Variants in RANBP17 observed in about 807,000 individuals in gnomAD.
RANBP17 encodes the protein RAN binding protein 17.
RANBP17 carries 158 observed loss-of-function variants against 141.2 expected under a neutral mutation model. The observed-to-expected ratio is 1.12, with a 90% CI of 0.98 to 1.28. RANBP17 has a LOEUF of 1.28. Ranked by LOEUF, RANBP17 falls within the 50% of genes most tolerant of loss-of-function variation. The pLI is 0.00. For synonymous variants in RANBP17, 430 were observed against 450.0 expected (o/e 0.96, Z 0.56); for missense variants, 1,438 against 1,290.7 (o/e 1.11, Z -1.75).
At chr5:171,145,025 T>C (rs1485897334) in intron 14 of RANBP17, among the ~76,000 whole-genome samples, 2 of 152,220 alleles carry the variant, frequency 1.3e-5, no homozygotes, top group Non-Finnish European at 2.9e-5. Flanking sequence ...TGTTAAATTA[T>C]TTGTGTGATG....
chr5:171,296,053 A>T (rs913506816), intron 27 of RANBP17, 39 bp downstream of exon 27: 1 of 1,596,384 alleles, frequency 6.3e-7, no homozygotes, highest in Non-Finnish European at 8.6e-7. Context: ...GGGGAAGTAG[A>T]CATTCCAGGT....
At chr5:170,898,054 C>T (rs1214703315) in intron 5 of RANBP17, among the ~76,000 whole-genome samples, 2 of 152,228 alleles carry the variant, frequency 1.3e-5, no homozygotes, top group Non-Finnish European at 2.9e-5. Flanking sequence ...TATTTCTCCA[C>T]ATCCTCTCTA....
intron 14 of RANBP17, among the ~76,000 whole-genome samples, chr5:171,144,989 C>T (rs1159080519): frequency 6.6e-6 from 1 of 152,134 alleles, no homozygotes; most frequent in East Asian, 1.9e-4. Context: ...TTATATTTCG[C>T]TTGGCTATTT....
chr5:171,125,962 A>G (rs943192161), intron 14 of RANBP17, among the ~76,000 whole-genome samples: 1 of 151,976 alleles, frequency 6.6e-6, no homozygotes, highest in Non-Finnish European at 1.5e-5. Context: ...TATTTTTTGT[A>G]TTTTTAGTAG....
At chr5:171,284,663 T>G (rs767293617) in intron 25 of RANBP17, 3 of 152,156 alleles carry the variant, frequency 2.0e-5, no homozygotes, top group Non-Finnish European at 2.9e-5. Flanking sequence ...ATCCACAGCT[T>G]CAGTATGTTT....
At chr5:171,088,895 G>C (rs546663441) in intron 14 of RANBP17, among the ~76,000 whole-genome samples, 4 of 151,856 alleles carry the variant, frequency 2.6e-5, no homozygotes, top group East Asian at 2.0e-4. Context: ...CAACTTCTTT[G>C]CCTTTGGTTT....
chr5:171,134,030 T>G (rs1220016303), intron 14 of RANBP17, among the ~76,000 whole-genome samples: 1 of 152,232 alleles, frequency 6.6e-6, no homozygotes, highest in East Asian at 1.9e-4. Flanking sequence ...CTCAGTTAAT[T>G]TTCATGAAAT....
intron 14 of RANBP17, among the ~76,000 whole-genome samples, chr5:171,028,574 T>A (rs977818891): frequency 1.3e-5 from 2 of 152,316 alleles, no homozygotes; most frequent in Non-Finnish European, 2.9e-5. Context: ...ACTAATTATT[T>A]TGTCCAAAAA....
Position 170,980,574 on chromosome 5 carries a change from G to A in RANBP17, c.1710+12197G>A, listed in dbSNP as rs1021170635. ...GGGGCCAATGTAGAGCTCAGGCCAC[G>A]GCTTCAGAGGGTGCAAGCCCCAAGC... On this transcript the variant is annotated intron_variant, in intron 14 of 27. Coordinates refer to ENST00000523189, the MANE Select transcript of RANBP17 (RefSeq NM_022897.5). Among the ~76,000 whole-genome samples the A allele has an allele frequency of 4.6e-5, 7 of 152,302 alleles. No individual in the cohort carries two copies. The East Asian group carries it at 5.8e-4, about 13-fold the overall frequency.
At chr5:171,243,289 T>C (rs1206492823) in intron 24 of RANBP17, among the ~76,000 whole-genome samples, 3 of 152,266 alleles carry the variant, frequency 2.0e-5, no homozygotes, top group African/African-American at 7.2e-5. Context: ...TGAAGTTATT[T>C]GCATCTGGCT....
chr5:171,241,067 T>C lies in RANBP17; in HGVS notation c.2562T>C (p.Tyr854=). The change falls in exon 23 of 28, where the codon TAT becomes TAC. Residue 854 remains tyrosine (Y), a synonymous_variant. Coordinates refer to ENST00000523189, the MANE Select transcript of RANBP17 (RefSeq NM_022897.5). ...NYVSFGVFKL[Y]GDNHFDNVLQ... is the part of the protein sequence containing the mutation. ...TCAGCTTTGGCGTCTTCAAGTTGTA[T>C]GGGGACAACCATTTTGACAATGTAC... is the stretch of plus-strand genomic sequence containing the variant. 1 of 1,613,970 alleles carries C rather than the reference T, an allele frequency of 6.2e-7. No individual in the cohort carries two copies. The highest frequency in any genetic ancestry group is 8.5e-7 in the Non-Finnish European group (1 of 1,179,916).
chr5:170,897,130 A>C lies in RANBP17; in HGVS notation c.489+1015A>C, dbSNP rs1418604140. ...GGATAGTGAATGAAATTCTGCAGGG[A>C]CCACTGAGAGATGTATTTGATACCA... On this transcript the variant is annotated intron_variant, in intron 5 of 27. Transcript: ENST00000523189. 3 of 828,672 alleles carry C rather than the reference A, an allele frequency of 3.6e-6. No individual in the cohort carries two copies. In the East Asian group the frequency reaches 9.9e-5, roughly 27 times the overall value. The allele number at this position is 828,672 out of a possible 1,614,324, so 51.3% of individuals were successfully genotyped here. A position where few individuals can be genotyped will look rare whatever the true frequency, so the allele number is the denominator to read the frequency against.
intron 4 of RANBP17, among the ~76,000 whole-genome samples, chr5:170,893,589 C>G (rs953271736): frequency 8.6e-5 from 13 of 151,950 alleles, no homozygotes; most frequent in Admixed American, 4.6e-4. Context: ...GTCAGGAGAT[C>G]GAGACCATCC....
chr5:171,089,820 C>T (rs961434453), intron 14 of RANBP17, among the ~76,000 whole-genome samples: 47 of 152,332 alleles, frequency 3.1e-4, no homozygotes, highest in African/African-American at 1.0e-3. Flanking sequence ...CTTAGGCTCG[C>T]GCACGGTGCG....
chr5:171,140,246 A>G (rs1757598396), intron 14 of RANBP17, among the ~76,000 whole-genome samples: 1 of 152,186 alleles, frequency 6.6e-6, no homozygotes, highest in Admixed American at 6.5e-5. Context: ...GTGATTATTA[A>G]ATTAATATCT....
chr5:171,185,018 C>G (rs916879986), intron 18 of RANBP17, among the ~76,000 whole-genome samples: 1 of 151,998 alleles, frequency 6.6e-6, no homozygotes, highest in East Asian at 1.9e-4. Flanking sequence ...CAAAATTAGC[C>G]AGGCATGGTG....
chr5:170,963,704 GCT>G (rs1257361958), intron 13 of RANBP17, among the ~76,000 whole-genome samples: 1 of 152,184 alleles, frequency 6.6e-6, no homozygotes, highest in African/African-American at 2.4e-5. Context: ...AGGAGGCGGA[GCT>G]CAGGCGATAA....
Position 171,183,436 on chromosome 5 carries a change from G to T in RANBP17, c.2038+6G>T. 1 of 1,597,866 alleles carries T rather than the reference G, an allele frequency of 6.3e-7. No homozygotes were observed. Among genetic ancestry groups the T allele is most frequent in the Non-Finnish European group, 8.6e-7 (1 of 1,165,412 alleles). On this transcript the variant is annotated splice_donor_region_variant and intron_variant, in intron 18 of 27. Coordinates refer to ENST00000523189, the MANE Select transcript of RANBP17 (RefSeq NM_022897.5). ...CCTTCTGATGGTAGATCTGGGTAAG[G>T]TTAAGAATTTAAACTCAATTAATAA...
intron 24 of RANBP17, among the ~76,000 whole-genome samples, chr5:171,254,017 G>A (rs1038420994): frequency 1.3e-5 from 2 of 152,134 alleles, no homozygotes; most frequent in East Asian, 3.9e-4. Flanking sequence ...GGAGGCCGAG[G>A]CGGGTGGATC....
Sources: allele counts gnomAD v4.1 joint callset (sites outside exome capture counted in the v4.1 genomes callset), GRCh38; gene constraint gnomAD v4.1.1; transcripts MANE v1.5; gene names NCBI Gene and HGNC (gene_info 2026-07-23, HGNC 2026-07-21).